The following UIMC1 variants were observed in gnomAD, a reference collection of about 807,000 sequenced individuals.
UIMC1 encodes ubiquitin interaction motif containing 1, also known as BRCA1-A complex subunit RAP80.
Under a neutral mutation model 84.9 loss-of-function variants are expected in UIMC1, and 42 were observed. The ratio of observed to expected loss-of-function variants is 0.49; its 90% CI spans 0.39 to 0.64. UIMC1 has a LOEUF of 0.64. Ranked by LOEUF, UIMC1 falls within the 30% of genes least tolerant of loss-of-function variation. The probability of loss-of-function intolerance (pLI) is 0.00; values close to 1 mark genes in which losing one functional copy is unlikely to be tolerated. For missense variants in UIMC1, 825 were observed against 847.6 expected, an observed-to-expected ratio of 0.97 and a Z score of 0.33; for synonymous variants, 281 against 293.0, an observed-to-expected ratio of 0.96 and a Z score of 0.42.
intron 1 of UIMC1, among the ~76,000 whole-genome samples, chr5:176,994,919 A>T (rs1215578498): frequency 2.0e-5 from 3 of 148,726 alleles, no homozygotes; most frequent in Non-Finnish European, 3.0e-5. Flanking sequence ...GTTATGAGAA[A>T]GGAATTTGTT....
At chr5:176,938,189 C>CAA (rs1170386962) in intron 10 of UIMC1, among the ~76,000 whole-genome samples, 202 of 56,126 alleles carry the variant, frequency 3.6e-3, no homozygotes, top group South Asian at 0.011. Flanking sequence ...GACCCTGTCT[C>CAA]AAAAAAAAAA....
chr5:176,975,032 G>A (rs996596526), intron 3 of UIMC1, among the ~76,000 whole-genome samples: 40 of 151,930 alleles, frequency 2.6e-4, no homozygotes, highest in African/African-American at 9.7e-4. Flanking sequence ...GCATAGTTGG[G>A]AAGCTGAGGC....
At chr5:177,007,978 G>A (rs1163731961), upstream of UIMC1, among the ~76,000 whole-genome samples, 1 of 151,956 alleles carries the variant, frequency 6.6e-6, no homozygotes, top group Non-Finnish European at 1.5e-5. Context: ...GGTGGTACAT[G>A]CCAGTAATCC....
chr5:176,984,014 G>A (rs1170261225), intron 1 of UIMC1, among the ~76,000 whole-genome samples: 2 of 145,094 alleles, frequency 1.4e-5, no homozygotes. Flanking sequence ...CGTCTGGGAA[G>A]TGAGGAGCGC....
chr5:176,982,950 C>A (rs1771276858), intron 1 of UIMC1, among the ~76,000 whole-genome samples: 1 of 152,090 alleles, frequency 6.6e-6, no homozygotes, highest in South Asian at 2.1e-4. Context: ...CCACCCGTGT[C>A]AGCCTCCCAT....
chr5:176,949,675 G>C (rs1350121874), intron 9 of UIMC1, among the ~76,000 whole-genome samples: 1 of 152,200 alleles, frequency 6.6e-6, no homozygotes, highest in Non-Finnish European at 1.5e-5. Flanking sequence ...GAACCAGGCA[G>C]TGTGCATGAT....
chr5:176,945,431 C>T (rs771882245), intron 9 of UIMC1, among the ~76,000 whole-genome samples: 11 of 152,144 alleles, frequency 7.2e-5, no homozygotes, highest in Non-Finnish European at 1.3e-4. Flanking sequence ...ATGAAATGCT[C>T]CTGATTATTG....
At chr5:176,980,268 C>T (rs571746995) in intron 2 of UIMC1, 3 of 152,404 alleles carry the variant, frequency 2.0e-5, no homozygotes, top group Non-Finnish European at 4.4e-5. Flanking sequence ...GTCTGTCCAT[C>T]TGTCCTTCCA....
intron 10 of UIMC1, among the ~76,000 whole-genome samples, chr5:176,924,937 A>C (rs774107108): frequency 8.6e-5 from 13 of 151,468 alleles, no homozygotes; most frequent in Non-Finnish European, 1.5e-4. Context: ...AGGCTGAGGC[A>C]GGAGAATCGC....
intron 14 of UIMC1, 123 bp downstream of exon 14, chr5:176,905,888 T>C (rs2149383156): frequency 1.9e-6 from 2 of 1,042,384 alleles, no homozygotes; most frequent in East Asian, 2.4e-5. Context: ...AGAGAGGTCA[T>C]AATAGTTCCA....
chr5:176,951,626 C>A, intron 8 of UIMC1, 49 bp from the exon 9 acceptor site: 1 of 1,424,548 alleles, frequency 7.0e-7, no homozygotes, highest in Non-Finnish European at 9.5e-7. Flanking sequence ...TTTGTGTTTT[C>A]ATAATTAAAA....
intron 1 of UIMC1, among the ~76,000 whole-genome samples, chr5:177,012,585 C>CG: frequency 6.6e-6 from 1 of 151,778 alleles, no homozygotes; most frequent in African/African-American, 2.4e-5. Flanking sequence ...CCCAACTACT[C>CG]GGGAGGCTGA....
At chr5:177,011,202 A>G (rs575725118), upstream of UIMC1, among the ~76,000 whole-genome samples, 14 of 151,882 alleles carry the variant, frequency 9.2e-5, no homozygotes, top group South Asian at 6.2e-4. Flanking sequence ...ACAAAAAAAA[A>G]AAGAAGAAAA....
intron 1 of UIMC1, among the ~76,000 whole-genome samples, chr5:177,017,099 A>C (rs1242633741): frequency 3.9e-5 from 6 of 152,236 alleles, no homozygotes. Context: ...CTAGGATTGC[A>C]GCAAAGATGT....
chr5:176,976,719 G>C (rs1243298679), intron 2 of UIMC1, among the ~76,000 whole-genome samples: 1 of 152,254 alleles, frequency 6.6e-6, no homozygotes, highest in Non-Finnish European at 1.5e-5. Context: ...GACATGCCCA[G>C]AATGGGCAAA....
At chr5:176,917,538 C>T (rs1761156125) in intron 10 of UIMC1, among the ~76,000 whole-genome samples, 1 of 152,186 alleles carries the variant, frequency 6.6e-6, no homozygotes, top group Non-Finnish European at 1.5e-5. Context: ...CACCACTGCA[C>T]TCCAGCCTGG....
At chr5:176,991,253 C>G (rs1693772470) in intron 1 of UIMC1, among the ~76,000 whole-genome samples, 1 of 151,944 alleles carries the variant, frequency 6.6e-6, no homozygotes, top group African/African-American at 2.4e-5. Flanking sequence ...TCGTGATCCA[C>G]CTGCCTCAGC....
At chr5:176,980,252 C>G (rs1770799926) in intron 2 of UIMC1, 2 of 152,174 alleles carry the variant, frequency 1.3e-5, no homozygotes, top group Non-Finnish European at 2.9e-5. Flanking sequence ...CTAATAAATT[C>G]CATCCGTCTG....
chr5:176,963,521 TA>T (rs74389908), intron 6 of UIMC1, among the ~76,000 whole-genome samples: 15,736 of 129,926 alleles, frequency 0.12, 1,672 homozygotes, highest in African/African-American at 0.3. Flanking sequence ...ACTCCATCTT[TA>T]AAAAAAAAAA....
Sources: allele counts gnomAD v4.1 joint callset (sites outside exome capture counted in the v4.1 genomes callset), GRCh38; gene constraint gnomAD v4.1.1; transcripts MANE v1.5; gene names NCBI Gene and HGNC (gene_info 2026-07-23, HGNC 2026-07-21).